The following FRMD4A variants were observed in gnomAD, a reference collection of about 807,000 sequenced individuals.
FRMD4A encodes the protein FERM domain containing 4A.
Under a neutral mutation model 129.1 loss-of-function variants are expected in FRMD4A, and 29 were observed. The observed-to-expected ratio is 0.22, with a 90% CI of 0.17 to 0.31. The LOEUF (loss-of-function observed/expected upper bound fraction) is 0.31. Among genes scored for constraint, FRMD4A ranks in the 10% least tolerant of loss-of-function variants. FRMD4A has a pLI of 1.00. For synonymous variants in FRMD4A, 634 were observed against 571.6 expected, an observed-to-expected ratio of 1.11 and a Z score of -1.56; for missense variants, 1,272 against 1,375.8, an observed-to-expected ratio of 0.92 and a Z score of 1.19.
At chr10:13,951,875 G>C (rs1326353312) in intron 2 of FRMD4A, among the ~76,000 whole-genome samples, 1 of 127,334 alleles carries the variant, frequency 7.9e-6, no homozygotes, top group Non-Finnish European at 1.7e-5. Context: ...GGGCTACAGA[G>C]TGAGACTCTG....
At chr10:13,796,912 G>A (rs576471822) in intron 4 of FRMD4A, among the ~76,000 whole-genome samples, 1 of 152,182 alleles carries the variant, frequency 6.6e-6, no homozygotes, top group African/African-American at 2.4e-5. Flanking sequence ...TAGAGACGGG[G>A]TTTCACCATG....
chr10:14,216,772 G>A (rs1253860545), intron 2 of FRMD4A, among the ~76,000 whole-genome samples: 1 of 152,000 alleles, frequency 6.6e-6, no homozygotes, highest in East Asian at 1.9e-4. Flanking sequence ...GCTCCCTCTA[G>A]TTTTCTGATG....
intron 12 of FRMD4A, among the ~76,000 whole-genome samples, chr10:13,709,228 T>G (rs562282176): frequency 2.0e-5 from 3 of 152,354 alleles, no homozygotes; most frequent in Admixed American, 6.5e-5. Context: ...CCTCCCAAAA[T>G]TTTGGGATTA....
At chr10:13,663,581 C>T in intron 18 of FRMD4A, 72 bp from the exon 19 acceptor site, 1 of 804,298 alleles carries the variant, frequency 1.2e-6, no homozygotes, top group South Asian at 1.4e-5. Flanking sequence ...GTAAAAATAG[C>T]ATGTCTACTA....
intron 2 of FRMD4A, among the ~76,000 whole-genome samples, chr10:14,126,416 G>A (rs1306465362): frequency 1.3e-5 from 2 of 152,056 alleles, no homozygotes; most frequent in Non-Finnish European, 2.9e-5. Flanking sequence ...TGATCCACCT[G>A]CCTCAGCCTC....
intron 2 of FRMD4A, among the ~76,000 whole-genome samples, chr10:14,124,807 T>G (rs1020177308): frequency 5.3e-5 from 8 of 152,218 alleles, no homozygotes; most frequent in African/African-American, 1.7e-4. Flanking sequence ...TATCCAGCAC[T>G]GCATTACCTT....
chr10:13,900,698 AC>A (rs1565001368), intron 2 of FRMD4A, among the ~76,000 whole-genome samples: 1 of 152,082 alleles, frequency 6.6e-6, no homozygotes, highest in Non-Finnish European at 1.5e-5. Context: ...GGAGTTTGAG[AC>A]CAGCCTGGCC....
At chr10:13,696,706 T>G (rs529803246) in intron 14 of FRMD4A, among the ~76,000 whole-genome samples, 2 of 152,082 alleles carry the variant, frequency 1.3e-5, no homozygotes, top group African/African-American at 4.8e-5. Flanking sequence ...ATCACGCCAC[T>G]GCCTGATCTC....
At chr10:14,188,995 C>G (rs1044078693) in intron 2 of FRMD4A, among the ~76,000 whole-genome samples, 3 of 152,206 alleles carry the variant, frequency 2.0e-5, no homozygotes, top group Non-Finnish European at 4.4e-5. Context: ...TTTGTCTTCA[C>G]TGCCTGTTTG....
chr10:13,701,309 C>T, intron 14 of FRMD4A, 31 bp downstream of exon 14: 1 of 1,599,338 alleles, frequency 6.3e-7, no homozygotes, highest in Non-Finnish European at 8.5e-7. Flanking sequence ...CAGACAATGG[C>T]CCGGGCTTGG....
At chr10:13,787,675 T>C (rs77538814) in intron 5 of FRMD4A, among the ~76,000 whole-genome samples, 4,022 of 152,062 alleles carry the variant, frequency 0.026, 109 homozygotes, top group East Asian at 0.09. Context: ...CCCAGGCTGG[T>C]CTTGAACTCC....
intron 2 of FRMD4A, among the ~76,000 whole-genome samples, chr10:14,316,103 T>C (rs1187091869): frequency 6.6e-6 from 1 of 152,222 alleles, no homozygotes; most frequent in Non-Finnish European, 1.5e-5. Context: ...TTCCCAGCTT[T>C]AGAAGTAGAT....
At chr10:13,935,666 C>T (rs1458101541) in intron 2 of FRMD4A, among the ~76,000 whole-genome samples, 1 of 152,024 alleles carries the variant, frequency 6.6e-6, no homozygotes, top group African/African-American at 2.4e-5. Flanking sequence ...CAGGGAACAG[C>T]CTCTAGGAGC....
chr10:13,658,260 A>G (rs373448553), intron 21 of FRMD4A, among the ~76,000 whole-genome samples: 6 of 152,310 alleles, frequency 3.9e-5, no homozygotes, highest in East Asian at 1.9e-4. Context: ...CATGATCCAT[A>G]TAAATAGACT....
At chr10:13,720,406 A>G (rs1388865500) in intron 12 of FRMD4A, among the ~76,000 whole-genome samples, 1 of 152,120 alleles carries the variant, frequency 6.6e-6, no homozygotes, top group African/African-American at 2.4e-5. Context: ...CATAAGGAGG[A>G]GTCTGTGAAA....
chr10:13,830,313 C>G (rs1182306299), intron 3 of FRMD4A, among the ~76,000 whole-genome samples: 1 of 152,234 alleles, frequency 6.6e-6, no homozygotes, highest in Non-Finnish European at 1.5e-5. Context: ...GTTGTCTGGG[C>G]TGCTGCTTTT....
chr10:13,730,598 G>T (rs1022120327), intron 12 of FRMD4A, among the ~76,000 whole-genome samples: 1 of 151,982 alleles, frequency 6.6e-6, no homozygotes, highest in South Asian at 2.1e-4. Context: ...CCAGTAGGAC[G>T]GTAATTTGTG....
At chr10:14,123,992 A>C (rs1053197790) in intron 2 of FRMD4A, among the ~76,000 whole-genome samples, 1 of 152,160 alleles carries the variant, frequency 6.6e-6, no homozygotes, top group Non-Finnish European at 1.5e-5. Flanking sequence ...ATTCCGTAAA[A>C]TGCCACAGAG....
intron 2 of FRMD4A, among the ~76,000 whole-genome samples, chr10:13,981,198 C>T (rs1249050405): frequency 6.6e-6 from 1 of 152,044 alleles, no homozygotes; most frequent in Non-Finnish European, 1.5e-5. Flanking sequence ...GATTTGGTAA[C>T]GAAGCTTGGA....
Sources: gnomAD v4.1 joint callset for allele counts (sites outside exome capture counted in the v4.1 genomes callset) on GRCh38, gnomAD v4.1.1 for gene constraint, MANE v1.5 for transcripts, NCBI Gene and HGNC (gene_info 2026-07-23, HGNC 2026-07-21) for gene names.